TTC28: variants seen among roughly 807,000 people sequenced by gnomAD.
TTC28 encodes tetratricopeptide repeat domain 28.
A neutral mutation model predicts 198.0 loss-of-function variants in TTC28; 61 were observed. That is an observed-to-expected ratio of 0.31 (90% confidence interval 0.25 to 0.38). TTC28 has a LOEUF of 0.38. TTC28 is among the 10% of genes least tolerant of loss of function. The pLI is 1.00. For synonymous variants in TTC28, 1,171 were observed against 1,297.8 expected, an observed-to-expected ratio of 0.90 and a Z score of 2.10; for missense variants, 2,678 against 3,164.0, an observed-to-expected ratio of 0.85 and a Z score of 3.69.
intron 8 of TTC28, among the ~76,000 whole-genome samples, chr22:28,101,546 G>C (rs536412351): frequency 5.9e-5 from 9 of 151,724 alleles, no homozygotes; most frequent in Non-Finnish European, 1.3e-4. Context: ...TTTTTGGTAC[G>C]GACAGGGTTT....
chr22:28,561,009 G>A (rs1036654302), intron 2 of TTC28, among the ~76,000 whole-genome samples: 9 of 150,812 alleles, frequency 6.0e-5, no homozygotes, highest in Admixed American at 1.3e-4. Flanking sequence ...TGCCCACCTC[G>A]GCCTCCCAAT....
chr22:28,080,395 GT>G (rs1311994322), intron 12 of TTC28, among the ~76,000 whole-genome samples: 1 of 152,108 alleles, frequency 6.6e-6, no homozygotes, highest in African/African-American at 2.4e-5. Context: ...GAGGAAAAAG[GT>G]TTCTCATTAT....
intron 1 of TTC28, among the ~76,000 whole-genome samples, chr22:28,662,956 TAAG>T (rs2051771526): frequency 6.6e-6 from 1 of 152,048 alleles, no homozygotes; most frequent in East Asian, 1.9e-4. Context: ...TTTCTAGTGA[TAAG>T]AAACTTCCAC....
chr22:28,079,840 T>TA (rs1941283584), intron 12 of TTC28, among the ~76,000 whole-genome samples: 1 of 152,124 alleles, frequency 6.6e-6, no homozygotes, highest in African/African-American at 2.4e-5. Context: ...GTGATTCCCC[T>TA]ACCTCAGCCT....
At chr22:28,226,361 G>A (rs1928339208) in intron 5 of TTC28, among the ~76,000 whole-genome samples, 1 of 152,064 alleles carries the variant, frequency 6.6e-6, no homozygotes, top group East Asian at 1.9e-4. Context: ...CTTGCTCACT[G>A]TAGTTTAAAT....
chr22:28,461,992 T>G (rs545392388), intron 2 of TTC28, among the ~76,000 whole-genome samples: 1 of 152,314 alleles, frequency 6.6e-6, no homozygotes, highest in African/African-American at 2.4e-5. Context: ...TCTAAACCCA[T>G]GTCATAATTT....
intron 5 of TTC28, among the ~76,000 whole-genome samples, chr22:28,195,895 T>C (rs1320452754): frequency 2.6e-5 from 4 of 151,844 alleles, no homozygotes; most frequent in African/African-American, 4.8e-5. Context: ...CCATCTCCAT[T>C]AAGCTACCAA....
chr22:28,498,780 T>G (rs2048494393), intron 2 of TTC28, among the ~76,000 whole-genome samples: 1 of 152,206 alleles, frequency 6.6e-6, no homozygotes, highest in Admixed American at 6.5e-5. Flanking sequence ...TCATTCTTAT[T>G]GATTCACCAT....
At chr22:28,381,153 A>T (rs2046488005) in intron 2 of TTC28, among the ~76,000 whole-genome samples, 1 of 151,770 alleles carries the variant, frequency 6.6e-6, no homozygotes, top group Admixed American at 6.6e-5. Flanking sequence ...AAAAAAGAAA[A>T]GAAAAAAAAG....
At chr22:28,551,878 A>G (rs1055429225) in intron 2 of TTC28, among the ~76,000 whole-genome samples, 1 of 152,188 alleles carries the variant, frequency 6.6e-6, no homozygotes, top group Non-Finnish European at 1.5e-5. Flanking sequence ...TCCTAGCGAG[A>G]GCAATCAGAC....
intron 5 of TTC28, among the ~76,000 whole-genome samples, chr22:28,173,396 G>A (rs1569178885): frequency 6.6e-6 from 1 of 152,130 alleles, no homozygotes; most frequent in East Asian, 1.9e-4. Flanking sequence ...TAATCTCTTT[G>A]AGATTTCTGT....
At chr22:28,548,746 G>T (rs1475319738) in intron 2 of TTC28, among the ~76,000 whole-genome samples, 1 of 152,138 alleles carries the variant, frequency 6.6e-6, no homozygotes, top group African/African-American at 2.4e-5. Context: ...CATTATTATA[G>T]TTTAAAGTTT....
intron 21 of TTC28, among the ~76,000 whole-genome samples, chr22:27,987,657 C>T (rs531117208): frequency 1.3e-4 from 20 of 152,178 alleles, no homozygotes; most frequent in Non-Finnish European, 2.5e-4. Context: ...GCTGAGCTCG[C>T]GCCACTGCAT....
At chr22:28,077,158 T>G (rs1157795952) in intron 12 of TTC28, among the ~76,000 whole-genome samples, 1 of 152,208 alleles carries the variant, frequency 6.6e-6, no homozygotes, top group East Asian at 1.9e-4. Context: ...TCATCTACTC[T>G]CTCACTAATG....
intron 5 of TTC28, among the ~76,000 whole-genome samples, chr22:28,279,559 A>G (rs1031897821): frequency 3.3e-5 from 5 of 152,246 alleles, no homozygotes; most frequent in African/African-American, 9.6e-5. Context: ...TTTAGTAGAG[A>G]CAGGGTTTCA....
At chr22:28,501,788 G>A (rs1409354882) in intron 2 of TTC28, among the ~76,000 whole-genome samples, 6 of 152,138 alleles carry the variant, frequency 3.9e-5, no homozygotes, top group Admixed American at 3.9e-4. Flanking sequence ...TAGGACAGGA[G>A]TCTTTTTGCA....
At chr22:28,504,006 G>C (rs979655591) in intron 2 of TTC28, among the ~76,000 whole-genome samples, 1 of 152,190 alleles carries the variant, frequency 6.6e-6, no homozygotes, top group Non-Finnish European at 1.5e-5. Context: ...AATTACGCTT[G>C]AGTCAATAGA....
At chr22:28,067,849 T>A (rs1362443610) in intron 12 of TTC28, among the ~76,000 whole-genome samples, 1 of 152,248 alleles carries the variant, frequency 6.6e-6, no homozygotes, top group African/African-American at 2.4e-5. Flanking sequence ...CTAAGTGATA[T>A]TTTATTTATC....
chr22:28,520,752 T>C (rs900240030), intron 2 of TTC28, among the ~76,000 whole-genome samples: 55 of 152,054 alleles, frequency 3.6e-4, no homozygotes, highest in African/African-American at 1.3e-3. Flanking sequence ...AGTAAGACCC[T>C]ATCTAAAAAA....
Sources: gnomAD v4.1 joint callset for allele counts (sites outside exome capture counted in the v4.1 genomes callset) on GRCh38, gnomAD v4.1.1 for gene constraint, MANE v1.5 for transcripts, NCBI Gene and HGNC (gene_info 2026-07-23, HGNC 2026-07-21) for gene names.